FSTL4: variants seen among roughly 807,000 people sequenced by gnomAD.
The protein encoded by FSTL4 is follistatin-related protein 4.
FSTL4 carries 28 observed loss-of-function variants against 78.2 expected under a neutral mutation model. The ratio of observed to expected loss-of-function variants is 0.36; its 90% CI spans 0.27 to 0.49. FSTL4 has a LOEUF of 0.49. Among genes scored for constraint, FSTL4 ranks in the 20% least tolerant of loss-of-function variants. The pLI is 0.98. For synonymous variants in FSTL4, 422 were observed against 440.5 expected, an observed-to-expected ratio of 0.96 and a Z score of 0.53; for missense variants, 922 against 1,084.9, an observed-to-expected ratio of 0.85 and a Z score of 2.11.
chr5:133,490,751 A>C (rs1349461873), intron 3 of FSTL4, among the ~76,000 whole-genome samples: 3 of 152,228 alleles, frequency 2.0e-5, no homozygotes, highest in Non-Finnish European at 4.4e-5. Flanking sequence ...CCTATCAATT[A>C]GTTGGTATTT....
At chr5:133,623,747 T>A in the FSTL4 span, among the ~76,000 whole-genome samples, 1 of 151,990 alleles carries the variant, frequency 6.6e-6, no homozygotes, top group African/African-American at 2.4e-5. Flanking sequence ...ATATATCTGA[T>A]AAGGAATAAG....
chr5:133,491,585 G>C (rs936206910), intron 3 of FSTL4, among the ~76,000 whole-genome samples: 1 of 151,360 alleles, frequency 6.6e-6, no homozygotes. Context: ...TATTTTTTTA[G>C]TAGAGACAGG....
chr5:133,499,902 G>C (rs1758454361), intron 3 of FSTL4, among the ~76,000 whole-genome samples: 1 of 152,140 alleles, frequency 6.6e-6, no homozygotes, highest in Non-Finnish European at 1.5e-5. Flanking sequence ...CAACCAATAT[G>C]TATTTAATGG....
chr5:133,663,689 T>A, the FSTL4 span, among the ~76,000 whole-genome samples: 1 of 152,186 alleles, frequency 6.6e-6, no homozygotes, highest in South Asian at 2.1e-4. Flanking sequence ...GACTTCACTG[T>A]AGGATAGAGA....
At chr5:133,549,970 T>C (rs1291117504) in intron 3 of FSTL4, among the ~76,000 whole-genome samples, 2 of 152,156 alleles carry the variant, frequency 1.3e-5, no homozygotes, top group Non-Finnish European at 1.5e-5. Flanking sequence ...AGCTTTTATG[T>C]AGAGGAGGTT....
intron 4 of FSTL4, among the ~76,000 whole-genome samples, chr5:133,382,532 C>A (rs113518468): frequency 6.6e-6 from 1 of 152,144 alleles, no homozygotes; most frequent in Non-Finnish European, 1.5e-5. Context: ...TACTTATAAT[C>A]CAGACTGTGA....
At chr5:133,718,854 T>A in the FSTL4 span, among the ~76,000 whole-genome samples, 1 of 152,240 alleles carries the variant, frequency 6.6e-6, no homozygotes, top group Non-Finnish European at 1.5e-5. Flanking sequence ...TGAAACCATG[T>A]ACATACCAAT....
intron 3 of FSTL4, among the ~76,000 whole-genome samples, chr5:133,449,019 A>G (rs903100466): frequency 6.7e-6 from 1 of 150,366 alleles, no homozygotes; most frequent in Admixed American, 6.6e-5. Context: ...CTTCAGGCGC[A>G]TATATATATA....
At chr5:133,372,308 T>C (rs750274676) in intron 4 of FSTL4, among the ~76,000 whole-genome samples, 3 of 152,124 alleles carry the variant, frequency 2.0e-5, no homozygotes, top group Non-Finnish European at 4.4e-5. Context: ...TTTATTGTCC[T>C]GTGGAATAAA....
the FSTL4 span, among the ~76,000 whole-genome samples, chr5:133,708,207 G>A: frequency 6.6e-6 from 1 of 151,024 alleles, no homozygotes; most frequent in Non-Finnish European, 1.5e-5. Flanking sequence ...GGGGAGGGAA[G>A]AAAAGAGGGA....
chr5:133,745,057 G>A, the FSTL4 span, among the ~76,000 whole-genome samples: 2 of 152,184 alleles, frequency 1.3e-5, no homozygotes, highest in African/African-American at 4.8e-5. Flanking sequence ...CTTCCCGTCT[G>A]TGCCAGGAAG....
intron 3 of FSTL4, among the ~76,000 whole-genome samples, chr5:133,470,803 AAAAT>A (rs1005118623): frequency 2.7e-5 from 4 of 148,100 alleles, no homozygotes; most frequent in African/African-American, 9.9e-5. Flanking sequence ...AAATAAAATA[AAAAT>A]AAATAAATAA....
chr5:133,395,458 C>G (rs952506551), intron 4 of FSTL4, among the ~76,000 whole-genome samples: 2 of 152,218 alleles, frequency 1.3e-5, no homozygotes, highest in African/African-American at 4.8e-5. Context: ...GGAACAAACT[C>G]CGGACACACC....
intron 6 of FSTL4, among the ~76,000 whole-genome samples, chr5:133,251,772 A>G (rs150651021): frequency 1.3e-3 from 194 of 152,316 alleles, no homozygotes; most frequent in African/African-American, 4.6e-3. Flanking sequence ...GTTCAGCAAC[A>G]TAATATCTGG....
At chr5:133,644,919 C>A in the FSTL4 span, among the ~76,000 whole-genome samples, 1 of 152,076 alleles carries the variant, frequency 6.6e-6, no homozygotes, top group Non-Finnish European at 1.5e-5. Flanking sequence ...CCTGATTTGG[C>A]CCATCTCTCA....
intron 6 of FSTL4, among the ~76,000 whole-genome samples, chr5:133,253,917 G>A (rs1752323033): frequency 6.6e-6 from 1 of 152,170 alleles, no homozygotes; most frequent in Non-Finnish European, 1.5e-5. Context: ...GCGTGGGCCT[G>A]CTTGGCACCT....
chr5:133,457,382 G>A (rs1040906221), intron 3 of FSTL4, among the ~76,000 whole-genome samples: 3 of 152,164 alleles, frequency 2.0e-5, no homozygotes, highest in African/African-American at 4.8e-5. Flanking sequence ...AGGATATCAC[G>A]GGCCTTCTGG....
At chr5:133,201,767 G>A (rs1168485932) in intron 15 of FSTL4, among the ~76,000 whole-genome samples, 166 bp downstream of exon 15, 1 of 152,206 alleles carries the variant, frequency 6.6e-6, no homozygotes, top group African/African-American at 2.4e-5. Context: ...ACTAGGCTCT[G>A]GGTCTGTTTT....
At chr5:133,578,498 T>C (rs1049463681) in intron 2 of FSTL4, among the ~76,000 whole-genome samples, 4 of 152,038 alleles carry the variant, frequency 2.6e-5, no homozygotes, top group Admixed American at 2.0e-4. Flanking sequence ...AAGCAAAGGG[T>C]GGTCAGTGAA....
Sources: gnomAD v4.1 joint callset for allele counts (sites outside exome capture counted in the v4.1 genomes callset) on GRCh38, gnomAD v4.1.1 for gene constraint, MANE v1.5 for transcripts, NCBI Gene and HGNC (gene_info 2026-07-23, HGNC 2026-07-21) for gene names.